Variants in CCDC141 observed in about 807,000 individuals in gnomAD.
The protein encoded by CCDC141 is coiled-coil domain containing 141.
In CCDC141, 168 loss-of-function variants were observed where a neutral mutation model predicts 181.0. The ratio of observed to expected loss-of-function variants is 0.93; its 90% CI spans 0.82 to 1.05. The LOEUF (loss-of-function observed/expected upper bound fraction) is 1.05. CCDC141 is among the 50% of genes least tolerant of loss of function. The pLI, the probability that CCDC141 is intolerant of heterozygous loss-of-function variation, is 0.00. For synonymous variants in CCDC141, 666 were observed against 642.3 expected, an observed-to-expected ratio of 1.04 and a Z score of -0.56; for missense variants, 1,902 against 1,788.5, an observed-to-expected ratio of 1.06 and a Z score of -1.14.
intron 5 of CCDC141, among the ~76,000 whole-genome samples, chr2:178,945,022 G>A (rs13024947): frequency 0.17 from 25,911 of 151,958 alleles, 2,317 homozygotes; most frequent in Middle Eastern, 0.22. Context: ...GTATAGTTAC[G>A]TAAACCCATA....
chr2:179,047,323 T>A lies in CCDC141; in HGVS notation c.186A>T (p.Lys62Asn), dbSNP rs1409291863. 4.5e-6 allele frequency: 7 copies of A among 1,543,718 alleles called. No individual in the cohort carries two copies. The highest frequency in any genetic ancestry group is 1.2e-5 in the South Asian group (1 of 82,312). Reference sequence around the variant, plus strand: ...AAAGAAGTTCATGATCATGAAGAAGTTTTTTGGTTTCATCTTGACTGCTGC... The same window carrying A: ...AAAGAAGTTCATGATCATGAAGAAGATTTTTGGTTTCATCTTGACTGCTGC... Reference protein sequence around the residue: ...EIGSSQDETKKLLHDHELLLA... With the variant: ...EIGSSQDETKNLLHDHELLLA... Residue 62 changes from lysine to asparagine, a missense_variant, in exon 2 of 24, where the codon AAA becomes AAT. Coordinates refer to ENST00000443758, the MANE Select transcript of CCDC141 (RefSeq NM_173648.4).
At chr2:178,864,452 C>G (rs1212512852) in intron 17 of CCDC141, among the ~76,000 whole-genome samples, 1 of 152,232 alleles carries the variant, frequency 6.6e-6, no homozygotes, top group African/African-American at 2.4e-5. Context: ...GCAAATTACA[C>G]TACCGGTTCA....
intron 2 of CCDC141, among the ~76,000 whole-genome samples, chr2:178,980,747 G>C (rs4894072): frequency 0.51 from 76,840 of 152,068 alleles, 20,589 homozygotes; most frequent in East Asian, 0.84. Context: ...ACAATGTGAA[G>C]TGATATGTCA....
chr2:178,888,985 C>T (rs969757799), intron 8 of CCDC141, among the ~76,000 whole-genome samples: 1 of 152,102 alleles, frequency 6.6e-6, no homozygotes, highest in African/African-American at 2.4e-5. Context: ...ATGTTTACCA[C>T]GACTTTTCCT....
chr2:179,040,267 G>A (rs1291868555), intron 2 of CCDC141, among the ~76,000 whole-genome samples: 2 of 152,156 alleles, frequency 1.3e-5, no homozygotes, highest in Non-Finnish European at 2.9e-5. Flanking sequence ...GAACTTAAAT[G>A]GCTAGTCCAC....
At chr2:178,882,734 G>A (rs771484507) in intron 11 of CCDC141, among the ~76,000 whole-genome samples, 1 of 152,210 alleles carries the variant, frequency 6.6e-6, no homozygotes, top group African/African-American at 2.4e-5. Context: ...CATTTGTAAC[G>A]GGGCCAATCA....
rs1172441551 is a variant in CCDC141, at chr2:178,990,991, G to T, written c.226-12316C>A. Among the ~76,000 whole-genome samples, 4 of 152,036 alleles carry T rather than the reference G, an allele frequency of 2.6e-5. No individual in the cohort carries two copies. The East Asian group carries it at 7.7e-4, about 29-fold the overall frequency. ...GGAAAACCACTCGGCACAAAACATTGCCCCAAAAATGTAATTCCCTGCAAG... is the reference window on the plus strand; with the variant it reads ...GGAAAACCACTCGGCACAAAACATTTCCCCAAAAATGTAATTCCCTGCAAG... On this transcript the variant is annotated intron_variant, in intron 2 of 23. Transcript: ENST00000443758.
intron 2 of CCDC141, among the ~76,000 whole-genome samples, chr2:179,006,577 A>G (rs1346439133): frequency 1.3e-5 from 2 of 152,188 alleles, no homozygotes; most frequent in East Asian, 1.9e-4. Context: ...ACCATTTGCA[A>G]GGCACAAGGA....
intron 2 of CCDC141, among the ~76,000 whole-genome samples, chr2:179,018,343 GTC>G (rs1169144577): frequency 6.6e-6 from 1 of 152,154 alleles, no homozygotes; most frequent in Non-Finnish European, 1.5e-5. Context: ...TACAGGTAGA[GTC>G]TCTAGTTTAT....
In CCDC141 at chr2:178,856,252, G is replaced by A. The variant is rs1469190227; in HGVS notation, c.2865+5C>T. On this transcript the variant is annotated splice_donor_5th_base_variant and intron_variant, in intron 18 of 23. Coordinates refer to ENST00000443758, the MANE Select transcript of CCDC141 (RefSeq NM_173648.4). Reference sequence around the variant, plus strand: ...GCACATATACAAACCATACTTTCTTGTTACCTGCATTTTTTCAGCATACAT... The same window carrying A: ...GCACATATACAAACCATACTTTCTTATTACCTGCATTTTTTCAGCATACAT... 3.7e-6 allele frequency: 6 copies of A among 1,602,108 alleles called. No individual in the cohort carries two copies. The Admixed American group carries it at 5.2e-5, about 14-fold the overall frequency.
chr2:178,942,992 A>G (rs1689583799), intron 6 of CCDC141, among the ~76,000 whole-genome samples: 1 of 152,210 alleles, frequency 6.6e-6, no homozygotes, highest in African/African-American at 2.4e-5. Flanking sequence ...ATTAACAAAT[A>G]TTCTACTCTA....
intron 6 of CCDC141, among the ~76,000 whole-genome samples, chr2:178,921,905 C>G (rs1688706292): frequency 6.6e-6 from 1 of 152,142 alleles, no homozygotes; most frequent in South Asian, 2.1e-4. Context: ...CATTAATACT[C>G]AAACTCAGGT....
intron 3 of CCDC141, among the ~76,000 whole-genome samples, chr2:178,978,132 C>A (rs968331072): frequency 6.6e-6 from 1 of 152,142 alleles, no homozygotes; most frequent in African/African-American, 2.4e-5. Flanking sequence ...TCTAGACCAG[C>A]ATTTCTTAGT....
intron 7 of CCDC141, among the ~76,000 whole-genome samples, chr2:178,910,012 T>C (rs750001774): frequency 9.2e-5 from 14 of 152,214 alleles, no homozygotes; most frequent in Non-Finnish European, 2.1e-4. Context: ...TTTAGGCAGA[T>C]AAGAAGATGA....
intron 8 of CCDC141, among the ~76,000 whole-genome samples, chr2:178,900,282 G>C (rs1392478809): frequency 1.3e-5 from 2 of 152,088 alleles, no homozygotes; most frequent in Non-Finnish European, 2.9e-5. Context: ...CAGGATTGTA[G>C]ATGTCTCTTT....
chr2:178,865,813 A>G lies in CCDC141; in HGVS notation c.2678T>C (p.Leu893Pro), dbSNP rs1222958489. The G allele has an allele frequency of 1.7e-5, 27 of 1,604,474 alleles. No homozygotes were observed. The highest frequency in any genetic ancestry group is 2.2e-5 in the Non-Finnish European group (26 of 1,175,378). ...RAKAEEYGRT[L>P]SRSVEYCAMR... is the part of the protein sequence containing the mutation. ...GGCGCAGTACTCCACACTACGGGACAGGGTCCGTCCATACTCCTCAGCTTT... is the reference window on the plus strand; with the variant it reads ...GGCGCAGTACTCCACACTACGGGACGGGGTCCGTCCATACTCCTCAGCTTT... The change falls in exon 17 of 24, where the codon CTG becomes CCG. Residue 893 changes from leucine to proline, a missense_variant. Coordinates refer to ENST00000443758, the MANE Select transcript of CCDC141 (RefSeq NM_173648.4).
downstream of CCDC141, among the ~76,000 whole-genome samples, chr2:178,829,437 T>A (rs1435589854): frequency 1.3e-5 from 2 of 152,220 alleles, no homozygotes; most frequent in African/African-American, 4.8e-5. Flanking sequence ...CAACCTGCAC[T>A]GATGCTCAGA....
chr2:178,888,467 C>A, intron 9 of CCDC141, 60 bp downstream of exon 9: 1 of 1,481,866 alleles, frequency 6.7e-7, no homozygotes, highest in East Asian at 2.5e-5. Context: ...CCACATACTG[C>A]CCTACCATAT....
chr2:179,025,647 T>C (rs1004791402), intron 2 of CCDC141, among the ~76,000 whole-genome samples: 1 of 152,136 alleles, frequency 6.6e-6, no homozygotes, highest in African/African-American at 2.4e-5. Context: ...TTGGTACCAG[T>C]AGAGTGGGAC....
Sources: gnomAD v4.1 joint callset for allele counts (sites outside exome capture counted in the v4.1 genomes callset) on GRCh38, gnomAD v4.1.1 for gene constraint, MANE v1.5 for transcripts, NCBI Gene and HGNC (gene_info 2026-07-23, HGNC 2026-07-21) for gene names.